PDE1C: variants seen among roughly 807,000 people sequenced by gnomAD.
The protein encoded by PDE1C is dual specificity calcium/calmodulin-dependent 3',5'-cyclic nucleotide phosphodiesterase 1C.
Under a neutral mutation model 93.1 loss-of-function variants are expected in PDE1C, and 62 were observed. The observed-to-expected ratio is 0.67, with a 90% CI of 0.54 to 0.82. The LOEUF is 0.82. Among genes scored for constraint, PDE1C ranks in the 40% least tolerant of loss-of-function variants. The pLI is 0.00. For synonymous variants in PDE1C, 325 were observed against 310.1 expected (o/e 1.05, Z -0.50); for missense variants, 742 against 884.6 (o/e 0.84, Z 2.04).
intron 2 of PDE1C, among the ~76,000 whole-genome samples, chr7:31,886,810 AGATCTTTTCG>A (rs1398993668): frequency 6.9e-6 from 1 of 145,296 alleles, no homozygotes; most frequent in Non-Finnish European, 1.5e-5. Context: ...TTTTCAGAAT[AGATCTTTTCG>A]GATCTTTTCA....
the PDE1C span, among the ~76,000 whole-genome samples, chr7:31,692,792 T>A: frequency 1.3e-5 from 2 of 152,128 alleles, no homozygotes; most frequent in African/African-American, 4.8e-5. Flanking sequence ...TTTTTCTGGG[T>A]CTGACAGAGT....
At chr7:32,221,994 CACA>C (rs1451514762) in intron 1 of PDE1C, among the ~76,000 whole-genome samples, 1 of 152,020 alleles carries the variant, frequency 6.6e-6, no homozygotes, top group African/African-American at 2.4e-5. Flanking sequence ...ACCTTACAGC[CACA>C]ACTTCACTTG....
intron 9 of PDE1C, among the ~76,000 whole-genome samples, chr7:31,840,526 G>A (rs114720741): frequency 1.2e-3 from 178 of 151,820 alleles, no homozygotes; most frequent in African/African-American, 3.8e-3. Context: ...CTGAGAAACC[G>A]CCACCTACTT....
the PDE1C span, among the ~76,000 whole-genome samples, chr7:31,725,237 C>T: frequency 1.4e-4 from 22 of 152,114 alleles, no homozygotes; most frequent in African/African-American, 1.9e-4. Flanking sequence ...TGATGGCCAT[C>T]GGGAGGTACT....
At chr7:31,847,430 T>C (rs1792778272) in intron 9 of PDE1C, among the ~76,000 whole-genome samples, 1 of 151,952 alleles carries the variant, frequency 6.6e-6, no homozygotes, top group South Asian at 2.1e-4. Flanking sequence ...CCTTAGAAAA[T>C]GTCAAAAGAT....
chr7:31,976,121 G>A (rs529018097), intron 2 of PDE1C, among the ~76,000 whole-genome samples: 1 of 152,258 alleles, frequency 6.6e-6, no homozygotes, highest in South Asian at 2.1e-4. Context: ...TTCTTAGAAG[G>A]AAAATCAACA....
intron 1 of PDE1C, among the ~76,000 whole-genome samples, chr7:32,213,676 A>G (rs149060475): frequency 1.9e-4 from 29 of 152,320 alleles, no homozygotes; most frequent in Admixed American, 8.5e-4. Context: ...AAGCTTTCAC[A>G]ATACAGTAGA....
chr7:32,206,944 CCTTT>C (rs1439012471), intron 2 of PDE1C, among the ~76,000 whole-genome samples: 2 of 152,210 alleles, frequency 1.3e-5, no homozygotes, highest in Non-Finnish European at 2.9e-5. Context: ...CTCTCTGCTT[CCTTT>C]GAGTTCCCTT....
intron 14 of PDE1C, among the ~76,000 whole-genome samples, chr7:31,819,187 A>G (rs1358014833): frequency 3.9e-5 from 6 of 152,130 alleles, no homozygotes; most frequent in African/African-American, 1.4e-4. Flanking sequence ...TCCATCTCTT[A>G]GTCACATCTC....
intron 3 of PDE1C, among the ~76,000 whole-genome samples, chr7:32,144,359 C>T (rs928080522): frequency 6.6e-6 from 1 of 152,122 alleles, no homozygotes; most frequent in Middle Eastern, 3.2e-3. Flanking sequence ...AGCTTGGCAG[C>T]CTTTGTGGAA....
At chr7:31,682,544 C>T in the PDE1C span, among the ~76,000 whole-genome samples, 85 of 152,244 alleles carry the variant, frequency 5.6e-4, no homozygotes, top group African/African-American at 1.9e-3. Flanking sequence ...ATGGCCAGGC[C>T]GCTCTGAAAA....
At chr7:32,337,755 G>A (rs1282143394) in intron 1 of PDE1C, among the ~76,000 whole-genome samples, 1 of 151,970 alleles carries the variant, frequency 6.6e-6, no homozygotes, top group Non-Finnish European at 1.5e-5. Context: ...CAAGTACTGA[G>A]CCAATGGAGA....
intron 1 of PDE1C, among the ~76,000 whole-genome samples, chr7:32,387,704 A>G (rs1440700737): frequency 1.2e-4 from 14 of 115,758 alleles, no homozygotes; most frequent in East Asian, 2.9e-4. Context: ...TCCCTCCCGG[A>G]CGGGGCGGCT....
At chr7:32,220,511 G>C (rs1204734544) in intron 1 of PDE1C, among the ~76,000 whole-genome samples, 1 of 152,196 alleles carries the variant, frequency 6.6e-6, no homozygotes, top group Non-Finnish European at 1.5e-5. Context: ...CCATCAGAAA[G>C]CACATTAAGA....
At chr7:32,242,915 T>G (rs74487398) in intron 1 of PDE1C, among the ~76,000 whole-genome samples, 4,501 of 152,260 alleles carry the variant, frequency 0.03, 139 homozygotes, top group African/African-American at 0.072. Flanking sequence ...TACAAGGCCC[T>G]GTGGAAGGTT....
chr7:31,804,435 A>G (rs1584174899), intron 16 of PDE1C, among the ~76,000 whole-genome samples: 1 of 151,722 alleles, frequency 6.6e-6, no homozygotes, highest in South Asian at 2.1e-4. Flanking sequence ...TCCTCATTGC[A>G]TGGGTTGCTC....
intron 2 of PDE1C, among the ~76,000 whole-genome samples, chr7:32,002,758 C>G (rs568998651): frequency 6.6e-6 from 1 of 152,206 alleles, no homozygotes; most frequent in East Asian, 1.9e-4. Context: ...CACTGGTGTA[C>G]AGATCTGTCC....
chr7:32,347,661 A>G (rs1211693940), intron 1 of PDE1C, among the ~76,000 whole-genome samples: 1 of 152,194 alleles, frequency 6.6e-6, no homozygotes, highest in Non-Finnish European at 1.5e-5. Flanking sequence ...TGCTATGTCA[A>G]GGAAGCTCAC....
chr7:32,277,787 G>A (rs902565737), intron 1 of PDE1C, among the ~76,000 whole-genome samples: 4 of 152,142 alleles, frequency 2.6e-5, no homozygotes, highest in Non-Finnish European at 5.9e-5. Flanking sequence ...ACAAATTCTA[G>A]AAAATATAAC....
Sources: gnomAD v4.1 joint callset for allele counts (sites outside exome capture counted in the v4.1 genomes callset) on GRCh38, gnomAD v4.1.1 for gene constraint, MANE v1.5 for transcripts, NCBI Gene and HGNC (gene_info 2026-07-23, HGNC 2026-07-21) for gene names.